Variants in SLC12A3 observed in about 807,000 individuals in gnomAD.
SLC12A3 encodes the protein Na-Cl cotransporter.
In SLC12A3, 104 loss-of-function variants were observed where a neutral mutation model predicts 121.0. The observed-to-expected ratio is 0.86, with a 90% CI of 0.73 to 1.01. The LOEUF is 1.01. Among genes scored for constraint, SLC12A3 ranks in the 50% least tolerant of loss-of-function variants. The pLI is 0.00. For missense variants in SLC12A3, 1,328 were observed against 1,356.3 expected (o/e 0.98, Z 0.33); for synonymous variants, 536 against 533.4 (o/e 1.00, Z -0.07).
intron 12 of SLC12A3, among the ~76,000 whole-genome samples, chr16:56,880,496 A>G (rs961073548): frequency 6.6e-5 from 10 of 152,134 alleles, no homozygotes; most frequent in Non-Finnish European, 1.3e-4. Context: ...CAGGCAGCAG[A>G]GCCTTCTGCT....
rs368577480 is a variant in SLC12A3, at chr16:56,904,355, G to A, written c.2857-40G>A. The A allele has an allele frequency of 1.3e-5, 21 of 1,590,956 alleles. No homozygotes were observed. The African/African-American group carries it at 1.6e-4, about 12-fold the overall frequency. On this transcript the variant is annotated intron_variant, in intron 24 of 25. Coordinates refer to ENST00000563236, the MANE Select transcript of SLC12A3 (RefSeq NM_001126108.2). ...ACGTGGTGAAGGATTGAGTGACCTC[G>A]ATGATATGGGAAGTGACCACTCGGC...
chr16:56,872,600 G>A (rs1355384486), intron 7 of SLC12A3, 56 bp from the exon 8 acceptor site: 1 of 1,613,600 alleles, frequency 6.2e-7, no homozygotes, highest in African/African-American at 1.3e-5. Context: ...GTGGGTCCCA[G>A]CAAGGGGGGT....
chr16:56,907,363 C>G, intron 25 of SLC12A3, among the ~76,000 whole-genome samples: 1 of 152,268 alleles, frequency 6.6e-6, no homozygotes, highest in African/African-American at 2.4e-5. Flanking sequence ...GAGGCTGAGA[C>G]AGGAGAATTG....
rs1180293357 is a variant in SLC12A3, at chr16:56,870,638, C to G, written c.754C>G (p.Pro252Ala). 2.5e-6 allele frequency: 4 copies of G among 1,609,442 alleles called. No homozygotes were observed. The African/African-American group carries it at 5.3e-5, about 22-fold the overall frequency. The change falls in exon 6 of 26, where the codon CCC (proline) becomes GCC (alanine). Residue 252 changes from proline to alanine, a missense_variant. Physicochemically the swap from Pro to Ala is conservative, Grantham distance 27. Coordinates refer to ENST00000563236, the MANE Select transcript of SLC12A3 (RefSeq NM_001126108.2). ...VRDLLQEYGA[P>A]IVDPINDIRI... is the part of the protein sequence containing the mutation. ...TTTCCCTCCCCAGGAGTATGGGGCA[C>G]CCATCGTGGACCCCATTAACGACAT...
intron 25 of SLC12A3, chr16:56,904,849 A>C: frequency 2.9e-6 from 1 of 344,690 alleles, no homozygotes; most frequent in Non-Finnish European, 5.7e-6. Context: ...GGCCATTCCC[A>C]GCTGATGTTG....
chr16:56,894,282 G>A (rs1432544054), intron 21 of SLC12A3, among the ~76,000 whole-genome samples: 1 of 152,172 alleles, frequency 6.6e-6, no homozygotes, highest in Non-Finnish European at 1.5e-5. Context: ...TGGGATTATA[G>A]GCATGAGCCA....
At position 56,890,248 on chromosome 16, in the gene SLC12A3, C is replaced by T. The variant is rs3764264; in HGVS notation, c.2286-26C>T. On this transcript the variant is annotated intron_variant, in intron 18 of 25. Transcript: ENST00000563236. ...TCCCCAGTGGGAGCTGGGGGAGAAG[C>T]TGGACCTCACCTCCTCTCTTTCCAG... The T allele has an allele frequency of 0.1, 165,648 of 1,594,122 alleles. 9,912 individuals are homozygous for T. Among genetic ancestry groups the T allele is most frequent in the East Asian group, 0.25 (11,214 of 44,760 alleles).
rs759556270 is a variant in SLC12A3 at position 56,894,556 on chromosome 16, C to T, written c.2547C>T (p.Leu849=). Reference sequence around the variant, plus strand: ...GCCTCACCCTCCTCATTCCCTATCTCCTTGGCCGCAAGAGGAGGTGGAGCA... The same window carrying T: ...GCCTCACCCTCCTCATTCCCTATCTTCTTGGCCGCAAGAGGAGGTGGAGCA... ...DGGLTLLIPY[L]LGRKRRWSKC... is the part of the protein sequence containing the mutation. Residue 849 remains leucine (L), a synonymous_variant, in exon 22 of 26, where the codon CTC becomes CTT. Coordinates refer to ENST00000563236, the MANE Select transcript of SLC12A3 (RefSeq NM_001126108.2). 3 of 1,613,910 alleles carry T rather than the reference C, an allele frequency of 1.9e-6. No homozygotes were observed. Among genetic ancestry groups the T allele is most frequent in the Non-Finnish European group, 2.5e-6 (3 of 1,179,890 alleles).
intron 23 of SLC12A3, among the ~76,000 whole-genome samples, chr16:56,901,865 G>T (rs2055543365): frequency 6.6e-6 from 1 of 152,172 alleles, no homozygotes; most frequent in Non-Finnish European, 1.5e-5. Flanking sequence ...CAGGGCTTCT[G>T]CACGTTCAGT....
chr16:56,910,022 C>T (rs2055664424), intron 25 of SLC12A3, among the ~76,000 whole-genome samples: 1 of 152,096 alleles, frequency 6.6e-6, no homozygotes, highest in African/African-American at 2.4e-5. Context: ...ACTAGCCTAG[C>T]AACATATTCC....
chr16:56,890,435 A>G, intron 19 of SLC12A3, 79 bp downstream of exon 19: 2 of 1,147,906 alleles, frequency 1.7e-6, no homozygotes, highest in Non-Finnish European at 2.6e-6. Flanking sequence ...AAAAATGAGT[A>G]AGAAATAAAA....
intron 8 of SLC12A3, 78 bp downstream of exon 8, chr16:56,872,864 G>A: frequency 6.3e-7 from 1 of 1,587,482 alleles, no homozygotes; most frequent in Non-Finnish European, 8.6e-7. Context: ...CTGCTCTAGT[G>A]GCATCTGCCG....
In SLC12A3 at chr16:56,887,106, G is replaced by C. The variant is rs2055324466; in HGVS notation, c.2178+13G>C. 2.5e-6 allele frequency: 4 copies of C among 1,613,746 alleles called. No homozygotes were observed. The highest frequency in any genetic ancestry group is 2.5e-6 in the Non-Finnish European group (3 of 1,179,960). ...GATCCTCATGCAGGTGCCATGGACT[G>C]GGGGCTCCCCTACAGGACTTACGGC... On this transcript the variant is annotated intron_variant, in intron 17 of 25. Coordinates refer to ENST00000563236, the MANE Select transcript of SLC12A3 (RefSeq NM_001126108.2).
In SLC12A3 at chr16:56,887,107, G is replaced by T. The variant is rs761818259; in HGVS notation, c.2178+14G>T. The T allele has an allele frequency of 6.2e-6, 10 of 1,613,726 alleles. No individual in the cohort carries two copies. The Admixed American group carries it at 1.7e-4, about 27-fold the overall frequency. On this transcript the variant is annotated intron_variant, in intron 17 of 25. Transcript: ENST00000563236. Reference sequence around the variant, plus strand: ...ATCCTCATGCAGGTGCCATGGACTGGGGGCTCCCCTACAGGACTTACGGCT... The same window carrying T: ...ATCCTCATGCAGGTGCCATGGACTGTGGGCTCCCCTACAGGACTTACGGCT...
In SLC12A3 at chr16:56,886,408, C is replaced by A. The variant is rs764452069; in HGVS notation, c.1970C>A (p.Ala657Asp). 1.2e-6 allele frequency: 2 copies of A among 1,614,124 alleles called. No homozygotes were observed. The highest frequency in any genetic ancestry group is 3.3e-5 in the Admixed American group (2 of 60,028). Reference protein sequence around the residue: ...VLTGPPNFRPALVDFVGTFTR... With the variant: ...VLTGPPNFRPDLVDFVGTFTR... The stretch of plus-strand genomic sequence containing the variant: ...ACGGGGCCCCCCAACTTCCGCCCGG[C>A]CCTGGTGGACTTTGTGGGCACCTTC... The change falls in exon 16 of 26, where the codon GCC (alanine) becomes GAC (aspartate). Residue 657 changes from alanine (A) to aspartate (D), a missense_variant. By Grantham distance (126) the Ala-to-Asp change is moderately radical. Transcript: ENST00000563236.
intron 21 of SLC12A3, 69 bp from the exon 22 acceptor site, chr16:56,894,462 G>T: frequency 9.1e-7 from 1 of 1,103,098 alleles, no homozygotes; most frequent in Non-Finnish European, 1.4e-6. Context: ...GCAGAGCGGG[G>T]CAGGAACTCA....
rs757975762 is a variant in SLC12A3 at position 56,865,358 on chromosome 16, C to T, written c.123C>T (p.His41=). The T allele has an allele frequency of 6.2e-7, 1 of 1,614,184 alleles. No homozygotes were observed. Among genetic ancestry groups the T allele is most frequent in the East Asian group, 2.2e-5 (1 of 44,882 alleles). ...PSPPAAYDSS[H]PSHLTHSSTF... ...CACCAGCTGCCTATGACAGCAGCCA[C>T]CCCAGCCACCTGACCCACAGCAGCA... Residue 41 remains histidine (H), a synonymous_variant, in exon 1 of 26, where the codon CAC becomes CAT. Coordinates refer to ENST00000563236, the MANE Select transcript of SLC12A3 (RefSeq NM_001126108.2).
intron 3 of SLC12A3, among the ~76,000 whole-genome samples, chr16:56,868,996 G>T (rs184060749): frequency 1.3e-4 from 19 of 151,716 alleles, no homozygotes; most frequent in Non-Finnish European, 2.1e-4. Context: ...AAATAAAAAA[G>T]AAAGCTGCAT....
chr16:56,886,172 G>A (rs771954954), intron 15 of SLC12A3, among the ~76,000 whole-genome samples, 192 bp from the exon 16 acceptor site: 3 of 152,206 alleles, frequency 2.0e-5, no homozygotes, highest in Admixed American at 6.5e-5. Context: ...AGACTAGTGT[G>A]GAGGTCACCA....
Sources: gnomAD v4.1 joint callset for allele counts (sites outside exome capture counted in the v4.1 genomes callset) on GRCh38, gnomAD v4.1.1 for gene constraint, MANE v1.5 for transcripts, NCBI Gene and HGNC (gene_info 2026-07-23, HGNC 2026-07-21) for gene names.